Variants in RASA1 observed in about 807,000 individuals in gnomAD.
RASA1 encodes RAS p21 protein activator 1.
In RASA1, 25 loss-of-function variants were observed where a neutral mutation model predicts 132.2. The ratio of observed to expected loss-of-function variants is 0.19; its 90% confidence interval spans 0.14 to 0.26. RASA1 has a LOEUF of 0.26. Ranked by LOEUF, RASA1 falls within the 10% of genes least tolerant of loss-of-function variation. The probability of loss-of-function intolerance (pLI) is 1.00; values close to 1 mark genes in which losing one functional copy is unlikely to be tolerated. For synonymous variants in RASA1, 477 were observed against 449.9 expected (o/e 1.06, Z -0.76); for missense variants, 964 against 1,299.2 (o/e 0.74, Z 3.97).
At chr5:87,290,316 T>C (rs1474535391) in intron 1 of RASA1, among the ~76,000 whole-genome samples, 1 of 152,248 alleles carries the variant, frequency 6.6e-6, no homozygotes, top group Non-Finnish European at 1.5e-5. Flanking sequence ...AAAAATTTTA[T>C]TTCCCCTAGT....
At chr5:87,333,360 G>A (rs1211374085) in intron 4 of RASA1, 23 bp downstream of exon 4, 8 of 1,610,754 alleles carry the variant, frequency 5.0e-6, no homozygotes, top group East Asian at 4.5e-5. Context: ...CTATTCTCAT[G>A]TATAGGCATT....
intron 1 of RASA1, among the ~76,000 whole-genome samples, chr5:87,292,722 A>G (rs1253851111): frequency 6.6e-6 from 1 of 152,172 alleles, no homozygotes; most frequent in Non-Finnish European, 1.5e-5. Context: ...ATTGTGCCAA[A>G]TCTGTACGTC....
intron 4 of RASA1, among the ~76,000 whole-genome samples, chr5:87,335,194 T>G (rs1187361385): frequency 1.3e-5 from 2 of 152,116 alleles, no homozygotes; most frequent in Admixed American, 1.3e-4. Flanking sequence ...GCTGTTACTT[T>G]TGTGCACACC....
intron 1 of RASA1, among the ~76,000 whole-genome samples, chr5:87,282,209 CCTT>C (rs1754349996): frequency 6.6e-6 from 1 of 151,912 alleles, no homozygotes; most frequent in African/African-American, 2.4e-5. Context: ...TTTCAAGATT[CCTT>C]CTTTTATTGA....
intron 18 of RASA1, 138 bp downstream of exon 18, chr5:87,378,676 T>C (rs1378172051): frequency 1.1e-6 from 1 of 895,484 alleles, no homozygotes; most frequent in Non-Finnish European, 1.7e-6. Flanking sequence ...CTGTCTGTAA[T>C]ACATTTATAA....
intron 1 of RASA1, among the ~76,000 whole-genome samples, chr5:87,301,958 AT>A (rs760274252): frequency 1.1e-4 from 16 of 152,126 alleles, no homozygotes; most frequent in Non-Finnish European, 2.4e-4. Context: ...TGGACATGAC[AT>A]TTAGGGTGTG....
intron 1 of RASA1, among the ~76,000 whole-genome samples, chr5:87,296,626 A>G (rs1215505647): frequency 2.0e-5 from 1 of 50,168 alleles, no homozygotes; most frequent in African/African-American, 8.2e-5. Flanking sequence ...CTTTAGTTTA[A>G]TTTCATTCTA....
intron 13 of RASA1, among the ~76,000 whole-genome samples, chr5:87,373,056 T>C (rs1761064942): frequency 6.6e-6 from 1 of 152,156 alleles, no homozygotes; most frequent in African/African-American, 2.4e-5. Context: ...GGATTTTTGC[T>C]AATAAGAGCA....
chr5:87,302,766 C>T (rs1233655545), intron 1 of RASA1, among the ~76,000 whole-genome samples: 1 of 151,258 alleles, frequency 6.6e-6, no homozygotes, highest in Non-Finnish European at 1.5e-5. Context: ...ACGCACACCA[C>T]CTCTTCCCGA....
intron 1 of RASA1, among the ~76,000 whole-genome samples, chr5:87,307,462 A>AAACAACAACAACAAC (rs139386250): frequency 6.6e-6 from 1 of 150,962 alleles, no homozygotes; most frequent in Non-Finnish European, 1.5e-5. Context: ...CTCTGTCTCA[A>AAACAACAACAACAAC]AACAACAACA....
intron 9 of RASA1, among the ~76,000 whole-genome samples, chr5:87,355,701 T>C (rs562142295): frequency 1.3e-5 from 2 of 152,362 alleles, no homozygotes; most frequent in Admixed American, 6.5e-5. Flanking sequence ...TAGTGACTTA[T>C]GGATCTGGGC....
At chr5:87,377,307 C>T in intron 17 of RASA1, 1 of 467,174 alleles carries the variant, frequency 2.1e-6, no homozygotes, top group South Asian at 2.1e-5. Flanking sequence ...AATGGCTTGA[C>T]TGTTTGGCAT....
At position 87,386,869 on chromosome 5, in the gene RASA1, A is replaced by G; in HGVS notation, c.2891A>G (p.Lys964Arg). The G allele has an allele frequency of 6.2e-7, 1 of 1,612,802 alleles. No homozygotes were observed. Among genetic ancestry groups the G allele is most frequent in the Non-Finnish European group, 8.5e-7 (1 of 1,179,306 alleles). The change falls in exon 23 of 25, where the codon AAA becomes AGA. Residue 964 changes from lysine to arginine, a missense_variant. Coordinates refer to ENST00000274376, the MANE Select transcript of RASA1 (RefSeq NM_002890.3). Reference sequence around the variant, plus strand: ...GTCAATCCATTCATCAAAAGCAACAAACATCGTATGATCATGTTTTTAGAT... The same window carrying G: ...GTCAATCCATTCATCAAAAGCAACAGACATCGTATGATCATGTTTTTAGAT... ...EGVNPFIKSN[K>R]HRMIMFLDEL...
intron 18 of RASA1, among the ~76,000 whole-genome samples, chr5:87,378,908 T>C (rs1411724673): frequency 6.6e-6 from 1 of 152,182 alleles, no homozygotes; most frequent in Non-Finnish European, 1.5e-5. Context: ...GGTTTGTTCT[T>C]GAAGGTTTTT....
chr5:87,297,263 T>C (rs866850054), intron 1 of RASA1, among the ~76,000 whole-genome samples: 1 of 152,258 alleles, frequency 6.6e-6, no homozygotes, highest in Admixed American at 6.5e-5. Context: ...ACATGTCTGT[T>C]TTTGATACTT....
intron 9 of RASA1, among the ~76,000 whole-genome samples, chr5:87,355,693 G>C (rs933954900): frequency 6.6e-6 from 1 of 152,214 alleles, no homozygotes. Flanking sequence ...GCAAAAAATA[G>C]TGACTTATGG....
chr5:87,378,561 A>G, intron 18 of RASA1, 23 bp downstream of exon 18: 1 of 1,581,948 alleles, frequency 6.3e-7, no homozygotes, highest in East Asian at 2.2e-5. Context: ...TGTTTTAATA[A>G]GTATTTTTGC....
intron 7 of RASA1, among the ~76,000 whole-genome samples, chr5:87,348,679 C>T (rs1190967260): frequency 2.7e-5 from 4 of 150,398 alleles, no homozygotes; most frequent in Non-Finnish European, 3.0e-5. Context: ...GCTGTGTTGT[C>T]CAGGCTGGTA....
intron 5 of RASA1, 137 bp downstream of exon 5, chr5:87,338,228 G>A (rs1049381177): frequency 8.0e-6 from 11 of 1,369,028 alleles, no homozygotes; most frequent in African/African-American, 4.4e-5. Context: ...AGAATTATAA[G>A]TGCTGTTTGT....
Sources: allele counts gnomAD v4.1 joint callset (sites outside exome capture counted in the v4.1 genomes callset), GRCh38; gene constraint gnomAD v4.1.1; transcripts MANE v1.5; gene names NCBI Gene and HGNC (gene_info 2026-07-23, HGNC 2026-07-21).